Variants in CACNA1I observed in about 807,000 individuals in gnomAD.
CACNA1I encodes voltage-dependent T-type calcium channel subunit alpha-1I.
In CACNA1I, 74 loss-of-function variants were observed where a neutral mutation model predicts 201.6. That is an observed-to-expected ratio of 0.37 (90% CI 0.30 to 0.45). CACNA1I has a LOEUF of 0.45. Ranked by LOEUF, CACNA1I falls within the 20% of genes least tolerant of loss-of-function variation. The probability of loss-of-function intolerance (pLI) is 1.00; values close to 1 mark genes in which losing one functional copy is unlikely to be tolerated. For synonymous variants in CACNA1I, 1,431 were observed against 1,345.2 expected (o/e 1.06, Z -1.40); for missense variants, 2,346 against 3,138.1 (o/e 0.75, Z 6.03).
chr22:39,679,580 G>A, intron 32 of CACNA1I, 135 bp downstream of exon 32: 1 of 1,057,236 alleles, frequency 9.5e-7, no homozygotes, highest in Non-Finnish European at 1.3e-6. Context: ...TCCATAGAAG[G>A]GGTGACCCTG....
At chr22:39,624,831 C>CT (rs1275580684) in intron 4 of CACNA1I, among the ~76,000 whole-genome samples, 1 of 151,060 alleles carries the variant, frequency 6.6e-6, no homozygotes, top group Non-Finnish European at 1.5e-5. Context: ...TTTTTATTTT[C>CT]TTTTTTTTAA....
At chr22:39,655,202 G>A (rs1201502832) in intron 10 of CACNA1I, among the ~76,000 whole-genome samples, 2 of 152,166 alleles carry the variant, frequency 1.3e-5, no homozygotes, top group African/African-American at 4.8e-5. Context: ...CCCATGGGAG[G>A]GGCCTAATCA....
chr22:39,624,255 G>A (rs1933837828), intron 4 of CACNA1I, among the ~76,000 whole-genome samples: 1 of 152,092 alleles, frequency 6.6e-6, no homozygotes, highest in South Asian at 2.1e-4. Context: ...GCTCCTCCTG[G>A]TTCCTCTCCT....
At chr22:39,628,090 C>T (rs759422468) in intron 4 of CACNA1I, among the ~76,000 whole-genome samples, 4 of 152,114 alleles carry the variant, frequency 2.6e-5, no homozygotes, top group African/African-American at 9.7e-5. Context: ...TCCCTCAGGT[C>T]GAGTTCTGCA....
intron 10 of CACNA1I, among the ~76,000 whole-genome samples, chr22:39,650,598 G>T (rs1251905406): frequency 6.6e-6 from 1 of 152,216 alleles, no homozygotes; most frequent in Admixed American, 6.5e-5. Flanking sequence ...GACCCTCAAG[G>T]CCCCTTGTCT....
At chr22:39,630,968 G>A (rs1483151417) in intron 4 of CACNA1I, among the ~76,000 whole-genome samples, 1 of 152,202 alleles carries the variant, frequency 6.6e-6, no homozygotes, top group Non-Finnish European at 1.5e-5. Flanking sequence ...GTTCAGGTGT[G>A]GCAGGGAGGA....
chr22:39,634,449 A>G, intron 4 of CACNA1I, 116 bp from the exon 5 acceptor site: 1 of 939,950 alleles, frequency 1.1e-6, no homozygotes, highest in Non-Finnish European at 1.7e-6. Context: ...AACAGCAAGG[A>G]GCCCCTGATA....
chr22:39,642,684 A>G, intron 6 of CACNA1I, 113 bp from the exon 7 acceptor site: 1 of 691,048 alleles, frequency 1.4e-6, no homozygotes, highest in Admixed American at 2.2e-5. Flanking sequence ...GACTCGAGGC[A>G]GCATGTGTGA....
At chr22:39,637,525 T>C (rs952076005) in intron 5 of CACNA1I, among the ~76,000 whole-genome samples, 1 of 152,108 alleles carries the variant, frequency 6.6e-6, no homozygotes, top group African/African-American at 2.4e-5. Flanking sequence ...CACTCCTGTG[T>C]ATTTACCCAA....
Position 39,658,922 on chromosome 22 carries a change from G to T in CACNA1I, c.2145-9G>T. 6.3e-7 allele frequency: 1 copy of T among 1,583,904 alleles called. No homozygotes were observed. Among genetic ancestry groups the T allele is most frequent in the Admixed American group, 1.8e-5 (1 of 56,400 alleles). ...ACCTGTACCCTGGGCCTGCCCTGCG[G>T]GACCGCAGCATCTGGGAGATTGTGG... On this transcript the variant is annotated splice_polypyrimidine_tract_variant and intron_variant, in intron 11 of 36. Coordinates refer to ENST00000402142, the MANE Select transcript of CACNA1I (RefSeq NM_021096.4).
In CACNA1I at chr22:39,613,527, T is replaced by C. The variant is rs1240699392; in HGVS notation, c.483-5783T>C. Among the ~76,000 whole-genome samples the C allele has an allele frequency of 7.2e-5, 11 of 152,356 alleles. No homozygotes were observed. In the East Asian group the frequency reaches 1.5e-3, roughly 21 times the overall value. ...TTGTGTGAGGCCCTGTTCTGAGTACTGGATCTGTATATGAACATGTTTCAG... is the reference window on the plus strand; with the variant it reads ...TTGTGTGAGGCCCTGTTCTGAGTACCGGATCTGTATATGAACATGTTTCAG... On this transcript the variant is annotated intron_variant, in intron 3 of 36. Coordinates refer to ENST00000402142, the MANE Select transcript of CACNA1I (RefSeq NM_021096.4).
At chr22:39,661,432 G>A (rs1439043312) in intron 16 of CACNA1I, 122 bp downstream of exon 16, 1 of 752,968 alleles carries the variant, frequency 1.3e-6, no homozygotes. Flanking sequence ...GTCAGGCAGG[G>A]GCCATGTCTG....
intron 5 of CACNA1I, among the ~76,000 whole-genome samples, chr22:39,635,721 G>A (rs1397962327): frequency 1.3e-5 from 2 of 152,106 alleles, no homozygotes; most frequent in African/African-American, 4.8e-5. Context: ...GGGGCAGTGG[G>A]GCTGGGGAGA....
chr22:39,684,797 G>T lies in CACNA1I; in HGVS notation c.6027+299G>T, dbSNP rs748386881. On this transcript the variant is annotated intron_variant, in intron 36 of 36. Coordinates refer to ENST00000402142, the MANE Select transcript of CACNA1I (RefSeq NM_021096.4). This position sits in a 1 kb window ranked among gnomAD's most constrained non-coding sequence, Gnocchi z 4.6. ...TGAGGGGAGGGGAGGAGAGGAGGAG[G>T]AGTACTGGAGGTTTTGCAGGGTGGC... 5.7e-5 allele frequency: 33 copies of T among 579,170 alleles called. No homozygotes were observed. Among genetic ancestry groups the T allele is most frequent in the Middle Eastern group, 9.1e-4 (2 of 2,190 alleles). The allele number at this position is 579,170 out of a possible 1,614,324, so 35.9% of individuals were successfully genotyped here.
At chr22:39,624,508 T>C (rs933389591) in intron 4 of CACNA1I, among the ~76,000 whole-genome samples, 7 of 152,186 alleles carry the variant, frequency 4.6e-5, no homozygotes, top group Non-Finnish European at 7.4e-5. Flanking sequence ...TGATTCCGCT[T>C]CTCAGAGGAC....
At chr22:39,601,094 A>G (rs1208267066) in intron 3 of CACNA1I, among the ~76,000 whole-genome samples, 2 of 152,068 alleles carry the variant, frequency 1.3e-5, no homozygotes, top group African/African-American at 4.8e-5. Flanking sequence ...CCGAGACACA[A>G]GCTGCCGTCA....
intron 5 of CACNA1I, among the ~76,000 whole-genome samples, chr22:39,635,751 G>A (rs1021704998): frequency 6.6e-6 from 1 of 152,094 alleles, no homozygotes; most frequent in Non-Finnish European, 1.5e-5. Flanking sequence ...TTCGAAGTCA[G>A]GGTAGTGTGA....
intron 1 of CACNA1I, among the ~76,000 whole-genome samples, chr22:39,584,796 C>G (rs751482097): frequency 2.0e-5 from 3 of 152,206 alleles, no homozygotes; most frequent in Non-Finnish European, 4.4e-5. Flanking sequence ...ACAAACCACA[C>G]TGGTATTATT....
At chr22:39,605,558 G>A (rs974661347) in intron 3 of CACNA1I, among the ~76,000 whole-genome samples, 1 of 152,254 alleles carries the variant, frequency 6.6e-6, no homozygotes, top group African/African-American at 2.4e-5. Flanking sequence ...GTGGGGGCAT[G>A]AAGATGAACA....
Sources: gnomAD v4.1 joint callset for allele counts (sites outside exome capture counted in the v4.1 genomes callset) on GRCh38, gnomAD v4.1.1 for gene constraint, Gnocchi (gnomAD v3.1) non-coding constraint, MANE v1.5 for transcripts, NCBI Gene and HGNC (gene_info 2026-07-23, HGNC 2026-07-21) for gene names.